The following CGGBP1 variants were observed in gnomAD, a reference collection of about 807,000 sequenced individuals.
The protein encoded by CGGBP1 is CGG triplet repeat-binding protein 1.
A neutral mutation model predicts 11.4 loss-of-function variants in CGGBP1; 4 were observed. That is an observed-to-expected ratio of 0.35 (90% CI 0.17 to 0.80). CGGBP1 has a LOEUF of 0.80. Ranked by LOEUF, CGGBP1 falls within the 30% of genes least tolerant of loss-of-function variation. The pLI is 0.52. For synonymous variants in CGGBP1, 76 were observed against 74.1 expected, an observed-to-expected ratio of 1.03 and a Z score of -0.13; for missense variants, 135 against 202.1, an observed-to-expected ratio of 0.67 and a Z score of 2.01.
chr3:88,102,081 C>T (rs1704459615), intron 2 of CGGBP1, among the ~76,000 whole-genome samples: 1 of 151,974 alleles, frequency 6.6e-6, no homozygotes, highest in Non-Finnish European at 1.5e-5. Flanking sequence ...TGTGATTTAT[C>T]CCATGCTATA....
intron 2 of CGGBP1, among the ~76,000 whole-genome samples, chr3:88,083,894 C>T (rs1708204924): frequency 1.3e-5 from 2 of 150,492 alleles, no homozygotes; most frequent in African/African-American, 4.9e-5. Context: ...GCACTCACAG[C>T]ATAGGAGAAA....
At chr3:88,081,196 G>C (rs1708057491) in intron 2 of CGGBP1, among the ~76,000 whole-genome samples, 1 of 152,160 alleles carries the variant, frequency 6.6e-6, no homozygotes, top group African/African-American at 2.4e-5. Context: ...ATGGCATTGT[G>C]TCTTTCTCAA....
In CGGBP1 at chr3:88,139,605, T is replaced by C. The variant is rs769320947; in HGVS notation, c.-229+1365A>G. The C allele has an allele frequency of 1.2e-6, 2 of 1,613,770 alleles. No individual in the cohort carries two copies. The highest frequency in any genetic ancestry group is 1.7e-6 in the Non-Finnish European group (2 of 1,179,774). On this transcript the variant is annotated intron_variant, in intron 2 of 3. Coordinates refer to the CGGBP1 transcript ENST00000462901. ...TTTGGAAGTGGAGACACTTACTGCTTCTAGTGAAGGAAACAAAGAAGTCAT... is the reference window on the plus strand; with the variant it reads ...TTTGGAAGTGGAGACACTTACTGCTCCTAGTGAAGGAAACAAAGAAGTCAT...
intron 2 of CGGBP1, among the ~76,000 whole-genome samples, chr3:88,090,878 A>G (rs939113868): frequency 6.6e-6 from 1 of 152,230 alleles, no homozygotes; most frequent in Non-Finnish European, 1.5e-5. Context: ...AAAAATTGCA[A>G]AAAGATTACG....
chr3:88,068,942 T>C (rs1707350830), intron 2 of CGGBP1, among the ~76,000 whole-genome samples: 1 of 152,150 alleles, frequency 6.6e-6, no homozygotes, highest in South Asian at 2.1e-4. Flanking sequence ...AAGCATTTGG[T>C]ATCTATTGTA....
intron 2 of CGGBP1, among the ~76,000 whole-genome samples, chr3:88,125,604 CAA>C (rs890849236): frequency 1.3e-5 from 2 of 152,036 alleles, no homozygotes; most frequent in African/African-American, 4.8e-5. Context: ...AATTATCCAA[CAA>C]AGGGAAACAG....
At chr3:88,070,979 A>T (rs1003593328) in intron 2 of CGGBP1, among the ~76,000 whole-genome samples, 1 of 152,098 alleles carries the variant, frequency 6.6e-6, no homozygotes, top group African/African-American at 2.4e-5. Flanking sequence ...AAACATAATC[A>T]AGCTGAGGGA....
intron 2 of CGGBP1, among the ~76,000 whole-genome samples, chr3:88,108,987 G>C (rs934533177): frequency 6.6e-6 from 1 of 152,148 alleles, no homozygotes; most frequent in East Asian, 1.9e-4. Flanking sequence ...AAGGTGCTTA[G>C]TTAAGATGGA....
chr3:88,075,594 C>T (rs1254228224), intron 2 of CGGBP1, among the ~76,000 whole-genome samples: 1 of 152,124 alleles, frequency 6.6e-6, no homozygotes, highest in Non-Finnish European at 1.5e-5. Context: ...TTTAATTATT[C>T]CAGGCCTTGC....
At chr3:88,057,156 A>T (rs945124428) in intron 3 of CGGBP1, 35 bp downstream of exon 3, 1 of 152,214 alleles carries the variant, frequency 6.6e-6, no homozygotes, top group African/African-American at 2.4e-5. Context: ...TCATAAGTGT[A>T]ATCAGAAACG....
chr3:88,072,726 T>G (rs544059879), intron 2 of CGGBP1, among the ~76,000 whole-genome samples: 1 of 152,244 alleles, frequency 6.6e-6, no homozygotes, highest in South Asian at 2.1e-4. Flanking sequence ...CCATCTAATA[T>G]ATATTCATTT....
At chr3:88,139,461 A>T in intron 2 of CGGBP1, 1 of 1,613,852 alleles carries the variant, frequency 6.2e-7, no homozygotes, top group Non-Finnish European at 8.5e-7. Context: ...TGTTAAGAAG[A>T]TACAGAGGCA....
chr3:88,074,464 C>T (rs184337718), intron 2 of CGGBP1, among the ~76,000 whole-genome samples: 6 of 152,066 alleles, frequency 3.9e-5, no homozygotes, highest in East Asian at 1.9e-4. Context: ...GCCTCAGCCT[C>T]CCAAGTAGCT....
chr3:88,059,565 C>T (rs1706719984), upstream of CGGBP1: 2 of 1,444,412 alleles, frequency 1.4e-6, no homozygotes, highest in Admixed American at 2.8e-5. Context: ...TCTGCGTCTC[C>T]TGGTCTTCTC....
At chr3:88,117,291 G>A (rs1705470774) in intron 2 of CGGBP1, among the ~76,000 whole-genome samples, 1 of 152,136 alleles carries the variant, frequency 6.6e-6, no homozygotes, top group African/African-American at 2.4e-5. Context: ...GAAAGTTCCT[G>A]AAAATGTAGG....
At chr3:88,057,641 GC>G (rs1706588124) in intron 2 of CGGBP1, 1 of 152,122 alleles carries the variant, frequency 6.6e-6, no homozygotes. Flanking sequence ...AAATATTTGT[GC>G]CCCGTAATGC....
At chr3:88,101,427 A>G (rs932176180) in intron 2 of CGGBP1, among the ~76,000 whole-genome samples, 2 of 152,224 alleles carry the variant, frequency 1.3e-5, no homozygotes, top group African/African-American at 4.8e-5. Context: ...ATTTAAAAAT[A>G]GTCTTGCGAA....
At chr3:88,079,700 A>G (rs1213031835) in intron 2 of CGGBP1, among the ~76,000 whole-genome samples, 1 of 152,030 alleles carries the variant, frequency 6.6e-6, no homozygotes, top group Non-Finnish European at 1.5e-5. Context: ...GTATGATTGT[A>G]TGGAATATTA....
chr3:88,058,494 G>A (rs1009574104), intron 1 of CGGBP1, among the ~76,000 whole-genome samples: 11 of 152,208 alleles, frequency 7.2e-5, no homozygotes, highest in East Asian at 1.9e-4. Context: ...CGTTCCCGGC[G>A]TCTGGGCTCT....
Sources: allele counts gnomAD v4.1 joint callset (sites outside exome capture counted in the v4.1 genomes callset), GRCh38; gene constraint gnomAD v4.1.1; transcripts MANE v1.5; gene names NCBI Gene and HGNC (gene_info 2026-07-23, HGNC 2026-07-21).